The following GSE1 variants were observed in gnomAD, a reference collection of about 807,000 sequenced individuals.
GSE1 encodes the protein genetic suppressor element 1.
GSE1 carries 32 observed loss-of-function variants against 112.6 expected under a neutral mutation model. The ratio of observed to expected loss-of-function variants is 0.28; its 90% CI spans 0.21 to 0.38. The LOEUF (loss-of-function observed/expected upper bound fraction) is 0.38, where lower values mean the gene tolerates loss of function less well. Ranked by LOEUF, GSE1 falls within the 10% of genes least tolerant of loss-of-function variation. The pLI, the probability that GSE1 is intolerant of heterozygous loss-of-function variation, is 1.00. For missense variants in GSE1, 2,348 were observed against 1,699.2 expected (o/e 1.38, Z -6.71); for synonymous variants, 1,115 against 735.6 (o/e 1.52, Z -8.35).
chr16:85,450,980 A>G (rs1254740680), intron 2 of GSE1, among the ~76,000 whole-genome samples: 2 of 148,804 alleles, frequency 1.3e-5, no homozygotes, highest in African/African-American at 2.5e-5. Context: ...AGGCCAAGGC[A>G]GGAGAATTGC....
chr16:85,325,910 A>G (rs1047755006), intron 1 of GSE1, among the ~76,000 whole-genome samples: 1 of 151,704 alleles, frequency 6.6e-6, no homozygotes, highest in Admixed American at 6.6e-5. Flanking sequence ...CATCGTGCCC[A>G]GCTAATTTTT....
At chr16:85,423,589 G>A (rs1243536545) in intron 2 of GSE1, among the ~76,000 whole-genome samples, 1 of 151,516 alleles carries the variant, frequency 6.6e-6, no homozygotes, top group Admixed American at 6.6e-5. Context: ...CCCAACGAGA[G>A]AGGAGTTAGG....
In GSE1 at chr16:85,557,551, C is replaced by T. The variant is rs571800821; in HGVS notation, c.37+1188C>T. Among the ~76,000 whole-genome samples, 179 of 151,354 alleles carry T rather than the reference C, an allele frequency of 1.2e-3. 1 individual carries two copies. Among genetic ancestry groups the T allele is most frequent in the African/African-American group, 4.2e-3 (175 of 41,370 alleles). ...TTTTGCTGGGGAAGGGTGCACGTGG[C>T]CCGGTGTTCGGTTTCGGGTTTTTTT... On this transcript the variant is annotated intron_variant, in intron 1 of 2. Transcript: ENST00000635906.
intron 2 of GSE1, among the ~76,000 whole-genome samples, chr16:85,431,469 G>T (rs532596919): frequency 6.6e-6 from 1 of 152,182 alleles, no homozygotes; most frequent in African/African-American, 2.4e-5. Context: ...AACACACAAC[G>T]CCCCTACCGT....
chr16:85,437,559 G>A (rs1325219591), intron 2 of GSE1, among the ~76,000 whole-genome samples: 1 of 152,042 alleles, frequency 6.6e-6, no homozygotes, highest in South Asian at 2.1e-4. Flanking sequence ...CTACCAAGGA[G>A]AAGGACGAGG....
At chr16:85,472,101 C>T (rs995975626) in intron 2 of GSE1, among the ~76,000 whole-genome samples, 11 of 152,202 alleles carry the variant, frequency 7.2e-5, no homozygotes, top group African/African-American at 2.7e-4. Context: ...CAGACACCTG[C>T]CCAGACATTG....
At chr16:85,658,146 A>C (rs1464963797) in intron 8 of GSE1, among the ~76,000 whole-genome samples, 5 of 152,206 alleles carry the variant, frequency 3.3e-5, no homozygotes, top group African/African-American at 1.2e-4. Flanking sequence ...GGCTGCAGAC[A>C]CAGGTCTTAT....
Position 85,170,229 on chromosome 16 carries a change from G to A in GSE1, c.705G>A (p.Glu235=), listed in dbSNP as rs1051081132. The A allele has an allele frequency of 6.1e-6, 6 of 985,342 alleles. No individual in the cohort carries two copies. In the African/African-American group the frequency reaches 8.7e-5, roughly 14 times the overall value. 61.0% of individuals were successfully genotyped at this position (985,342 alleles called of 1,614,324 possible). A position where few individuals can be genotyped will look rare whatever the true frequency, so the allele number is the denominator to read the frequency against. Residue 235 remains glutamate (E), a synonymous_variant, in exon 1 of 3, where the codon GAG becomes GAA. Coordinates refer to the GSE1 transcript ENST00000637419. ...CCTCGGCGCAGGGGCGCGCGGAGGA[G>A]GAGGGGCTCCCCGCGAAGGCCCACG...
chr16:85,515,842 C>T (rs965683957), intron 2 of GSE1, among the ~76,000 whole-genome samples: 3 of 152,280 alleles, frequency 2.0e-5, no homozygotes, highest in East Asian at 3.9e-4. Flanking sequence ...AAGCCGGTCC[C>T]CTCCTGCCTC....
At chr16:85,376,020 C>T (rs1567720608) in intron 2 of GSE1, among the ~76,000 whole-genome samples, 1 of 152,156 alleles carries the variant, frequency 6.6e-6, no homozygotes, top group Non-Finnish European at 1.5e-5. Flanking sequence ...GGGAACCAGA[C>T]CCCACACTCC....
chr16:85,470,017 C>T (rs2050237749), intron 2 of GSE1, among the ~76,000 whole-genome samples: 1 of 152,250 alleles, frequency 6.6e-6, no homozygotes, highest in Non-Finnish European at 1.5e-5. Flanking sequence ...GGCCCTCAGG[C>T]ATCTCAATGC....
At chr16:85,578,911 T>C (rs1220134416) in intron 1 of GSE1, among the ~76,000 whole-genome samples, 1 of 151,726 alleles carries the variant, frequency 6.6e-6, no homozygotes, top group Non-Finnish European at 1.5e-5. Context: ...TCTCCTCAAC[T>C]GGACTGTAAG....
At chr16:85,540,318 C>T (rs1416870729) in intron 2 of GSE1, among the ~76,000 whole-genome samples, 1 of 152,214 alleles carries the variant, frequency 6.6e-6, no homozygotes, top group Non-Finnish European at 1.5e-5. Flanking sequence ...CTAGAGATTC[C>T]ACCCTGCCTG....
At chr16:85,617,720 C>G (rs2048468528) in intron 1 of GSE1, among the ~76,000 whole-genome samples, 1 of 151,430 alleles carries the variant, frequency 6.6e-6, no homozygotes, top group Admixed American at 6.6e-5. Flanking sequence ...CTTGGCCCCC[C>G]TAATCCAGAA....
chr16:85,504,024 A>G (rs2051455579), intron 2 of GSE1, among the ~76,000 whole-genome samples: 1 of 152,184 alleles, frequency 6.6e-6, no homozygotes, highest in Admixed American at 6.5e-5. Context: ...ACCCTGCAGA[A>G]AAGCGCCATC....
upstream of GSE1, among the ~76,000 whole-genome samples, chr16:85,611,025 G>T (rs74031887): frequency 6.6e-6 from 1 of 152,162 alleles, no homozygotes; most frequent in African/African-American, 2.4e-5. Flanking sequence ...TTCACCCCTG[G>T]CCCAAGGGCC....
chr16:85,330,982 A>G (rs908497778), intron 1 of GSE1, among the ~76,000 whole-genome samples: 2 of 152,052 alleles, frequency 1.3e-5, no homozygotes, highest in African/African-American at 4.8e-5. Context: ...GTAGGATTTA[A>G]TGCAAGCCAC....
intron 2 of GSE1, among the ~76,000 whole-genome samples, chr16:85,482,983 A>ACAAAACAAAAC (rs144014707): frequency 4.0e-5 from 6 of 148,738 alleles, no homozygotes; most frequent in Middle Eastern, 3.4e-3. Flanking sequence ...GTCTCAAAAA[A>ACAAAACAAAAC]AAAAAAAAAA....
At chr16:85,186,490 C>T (rs978923451) in intron 1 of GSE1, among the ~76,000 whole-genome samples, 4 of 151,954 alleles carry the variant, frequency 2.6e-5, no homozygotes, top group African/African-American at 9.7e-5. Context: ...GTAGTCCCAG[C>T]TACTAGAGAG....
Sources: gnomAD v4.1 joint callset for allele counts (sites outside exome capture counted in the v4.1 genomes callset) on GRCh38, gnomAD v4.1.1 for gene constraint, MANE v1.5 for transcripts, NCBI Gene and HGNC (gene_info 2026-07-23, HGNC 2026-07-21) for gene names.